The following F5 variants were observed in gnomAD, a reference collection of about 807,000 sequenced individuals.
The protein encoded by F5 is activated protein c cofactor.
A neutral mutation model predicts 216.4 loss-of-function variants in F5; 138 were observed. That is an observed-to-expected ratio of 0.64 (90% CI 0.56 to 0.73). The LOEUF (loss-of-function observed/expected upper bound fraction) is 0.73, where lower values mean the gene tolerates loss of function less well. Among genes scored for constraint, F5 ranks in the 30% least tolerant of loss-of-function variants. F5 has a pLI of 0.00. For synonymous variants in F5, 916 were observed against 930.7 expected (o/e 0.98, Z 0.29); for missense variants, 2,403 against 2,674.0 (o/e 0.90, Z 2.24).
chr1:169,558,288 G>A (rs1392594671), intron 5 of F5, among the ~76,000 whole-genome samples: 1 of 152,130 alleles, frequency 6.6e-6, no homozygotes, highest in Non-Finnish European at 1.5e-5. Context: ...ATTGGAACTT[G>A]GGATCAACAT....
rs144345500 is a variant in F5 at position 169,553,678 on chromosome 1, C to T, written c.1119-944G>A. Among the ~76,000 whole-genome samples, 400 of 152,276 alleles carry T rather than the reference C, an allele frequency of 2.6e-3. 4 individuals are homozygous for T. Among genetic ancestry groups the T allele is most frequent in the African/African-American group, 8.0e-3 (332 of 41,562 alleles). ...CGGAGCTTGCAGTGAGCAGAGATTG[C>T]GCCACTGCACTCCAGCCTGGGCGAC... On this transcript the variant is annotated intron_variant, in intron 7 of 24. Transcript: ENST00000367797.
intron 18 of F5, 41 bp from the exon 19 acceptor site, chr1:169,524,949 A>G (rs1410562666): frequency 6.8e-7 from 1 of 1,468,222 alleles, no homozygotes; most frequent in Admixed American, 1.7e-5. Context: ...TTTGCTTAGA[A>G]AATATATACA....
intron 21 of F5, among the ~76,000 whole-genome samples, chr1:169,522,856 A>G (rs1457755619): frequency 6.6e-6 from 1 of 152,238 alleles, no homozygotes; most frequent in Non-Finnish European, 1.5e-5. Context: ...AAGTCTTGGT[A>G]GCCAATTTTT....
At chr1:169,557,170 C>G (rs962590128) in intron 5 of F5, among the ~76,000 whole-genome samples, 1 of 152,172 alleles carries the variant, frequency 6.6e-6, no homozygotes, top group Non-Finnish European at 1.5e-5. Context: ...AGAAGGGAAC[C>G]AAGAAGGTAA....
intron 10 of F5, among the ~76,000 whole-genome samples, chr1:169,546,957 C>T (rs1475387970): frequency 5.9e-5 from 8 of 136,712 alleles, no homozygotes; most frequent in African/African-American, 1.1e-4. Flanking sequence ...TGGCAAAACC[C>T]GTCTCTACTA....
chr1:169,577,975 A>G (rs774213491), intron 2 of F5, among the ~76,000 whole-genome samples: 65 of 152,254 alleles, frequency 4.3e-4, no homozygotes, highest in Non-Finnish European at 8.1e-4. Context: ...TGAGTGGAGC[A>G]GGACATAGGG....
intron 3 of F5, 39 bp from the exon 4 acceptor site, chr1:169,560,805 C>T (rs372313918): frequency 3.8e-6 from 6 of 1,597,290 alleles, no homozygotes; most frequent in Non-Finnish European, 5.1e-6. Flanking sequence ...TGGGCAGTTT[C>T]TGAGGATTGC....
chr1:169,558,748 T>C (rs893830622), intron 5 of F5, among the ~76,000 whole-genome samples: 1 of 152,204 alleles, frequency 6.6e-6, no homozygotes, highest in Non-Finnish European at 1.5e-5. Context: ...TGCTGGTTTT[T>C]TTTGTGTGTT....
intron 24 of F5, 106 bp from the exon 25 acceptor site, chr1:169,514,565 T>A: frequency 2.1e-6 from 2 of 934,920 alleles, no homozygotes; most frequent in Non-Finnish European, 3.3e-6. Context: ...CAGGCTTGAG[T>A]CCAGTGGCAC....
At chr1:169,560,802 T>A (rs367660883) in intron 3 of F5, 36 bp from the exon 4 acceptor site, 157 of 1,600,182 alleles carry the variant, frequency 9.8e-5, no homozygotes, top group Non-Finnish European at 1.3e-4. Flanking sequence ...ATGTGGGCAG[T>A]TTCTGAGGAT....
At chr1:169,545,885 G>A (rs1659989224) in intron 11 of F5, among the ~76,000 whole-genome samples, 1 of 152,156 alleles carries the variant, frequency 6.6e-6, no homozygotes, top group Non-Finnish European at 1.5e-5. Context: ...TTTGGCCACT[G>A]AACTTTAGAA....
At chr1:169,572,136 G>A in intron 3 of F5, 85 bp downstream of exon 3, 2 of 1,388,544 alleles carry the variant, frequency 1.4e-6, no homozygotes, top group South Asian at 1.2e-5. Context: ...ACAACACGTG[G>A]TTAACAGTAT....
At chr1:169,581,725 G>A (rs6703865) in intron 2 of F5, among the ~76,000 whole-genome samples, 15,669 of 152,162 alleles carry the variant, frequency 0.1, 1,020 homozygotes, top group African/African-American at 0.17. Context: ...TGGTATCATA[G>A]TTAAGATATT....
intron 2 of F5, among the ~76,000 whole-genome samples, chr1:169,572,617 C>CTTTGACCCACTG (rs1193265677): frequency 1.3e-5 from 2 of 152,218 alleles, no homozygotes; most frequent in African/African-American, 4.8e-5. Flanking sequence ...GTCTTGCCCA[C>CTTTGACCCACTG]TTTGACCCAC....
intron 7 of F5, among the ~76,000 whole-genome samples, 167 bp from the exon 8 acceptor site, chr1:169,552,901 G>A (rs1224922691): frequency 1.3e-5 from 2 of 152,114 alleles, no homozygotes; most frequent in East Asian, 1.9e-4. Context: ...TGTCTAGTTG[G>A]AAAACTGGAA....
intron 2 of F5, 148 bp downstream of exon 2, chr1:169,582,283 C>T (rs1328641715): frequency 4.0e-6 from 2 of 504,246 alleles, no homozygotes; most frequent in Non-Finnish European, 7.3e-6. Flanking sequence ...TTGCACTGGG[C>T]CCCACATATT....
intron 2 of F5, among the ~76,000 whole-genome samples, chr1:169,579,117 C>T (rs1195778468): frequency 6.7e-6 from 1 of 148,546 alleles, no homozygotes; most frequent in East Asian, 2.1e-4. Flanking sequence ...TCTATAAGAC[C>T]CTTGTGCTTC....
In F5 at chr1:169,523,206, C is replaced by T. The variant is rs767055534; in HGVS notation, c.6039G>A (p.Arg2013=). Residue 2013 remains arginine, a synonymous_variant, in exon 21 of 25, where the codon AGG becomes AGA. Coordinates refer to ENST00000367797, the MANE Select transcript of F5 (RefSeq NM_000130.5). The part of the protein sequence containing the change: ...NWQIFKGNST[R]NVMYFNGNSD... Reference sequence around the variant, plus strand: ...AAATATGCACACAAACCATCACATTCCTTGTGCTGTTCCCTTTGAAGATCT... The same window carrying T: ...AAATATGCACACAAACCATCACATTTCTTGTGCTGTTCCCTTTGAAGATCT... 6.2e-7 allele frequency: 1 copy of T among 1,614,068 alleles called. No individual in the cohort carries two copies. Among genetic ancestry groups the T allele is most frequent in the Admixed American group, 1.7e-5 (1 of 60,024 alleles).
chr1:169,551,450 G>A (rs9332586), intron 8 of F5, among the ~76,000 whole-genome samples: 47,893 of 152,014 alleles, frequency 0.32, 8,543 homozygotes, highest in Non-Finnish European at 0.42. Flanking sequence ...ACCCTTGGTG[G>A]GGGGGAAAAG....
Sources: allele counts gnomAD v4.1 joint callset (sites outside exome capture counted in the v4.1 genomes callset), GRCh38; gene constraint gnomAD v4.1.1; transcripts MANE v1.5; gene names NCBI Gene and HGNC (gene_info 2026-07-23, HGNC 2026-07-21).